The following FAM13B variants were observed in gnomAD, a reference collection of about 807,000 sequenced individuals.
The protein encoded by FAM13B is family with sequence similarity 13 member B, also known as protein FAM13B.
In FAM13B, 60 loss-of-function variants were observed where a neutral mutation model predicts 117.3. That is an observed-to-expected ratio of 0.51 (90% CI 0.42 to 0.63). The LOEUF is 0.63. FAM13B is among the 30% of genes least tolerant of loss of function. The probability of loss-of-function intolerance (pLI) is 0.00; values close to 1 mark genes in which losing one functional copy is unlikely to be tolerated. For missense variants in FAM13B, 972 were observed against 1,091.9 expected (o/e 0.89, Z 1.55); for synonymous variants, 332 against 356.1 (o/e 0.93, Z 0.76).
intron 13 of FAM13B, among the ~76,000 whole-genome samples, chr5:137,957,845 C>T (rs961289242): frequency 6.6e-6 from 1 of 152,114 alleles, no homozygotes; most frequent in Non-Finnish European, 1.5e-5. Context: ...TTATCTATAC[C>T]AAGGTATAGG....
In FAM13B at chr5:137,966,779, A is replaced by T. The variant is rs185673169; in HGVS notation, c.1180-4310T>A. 1.9e-3 allele frequency among the ~76,000 whole-genome samples: 284 copies of T among 152,300 alleles called. 1 individual carries two copies. The highest frequency in any genetic ancestry group is 2.5e-3 in the Non-Finnish European group (171 of 68,032). The stretch of plus-strand genomic sequence containing the variant: ...TGGCACTGTCACTCATTGCTGGTGA[A>T]TGAATGAGAAACACACTCAACTGAT... On this transcript the variant is annotated intron_variant, in intron 10 of 23. Transcript: ENST00000689681.
chr5:137,945,687 A>G (rs1763220938), intron 20 of FAM13B, among the ~76,000 whole-genome samples: 3 of 152,230 alleles, frequency 2.0e-5, no homozygotes, highest in Non-Finnish European at 2.9e-5. Flanking sequence ...TCAGGATTTA[A>G]TGACATAAGC....
chr5:138,033,234 T>C (rs918078484), upstream of FAM13B: 5 of 205,546 alleles, frequency 2.4e-5, no homozygotes, highest in South Asian at 1.7e-4. Context: ...CTCCCACCAA[T>C]TGGGGTCCTG....
At chr5:137,981,616 T>C (rs2150527154) in intron 10 of FAM13B, among the ~76,000 whole-genome samples, 1 of 152,034 alleles carries the variant, frequency 6.6e-6, no homozygotes, top group Admixed American at 6.5e-5. Context: ...TGAAACCCCG[T>C]CTCTACTAAA....
chr5:138,019,924 C>T, intron 2 of FAM13B: 1 of 461,452 alleles, frequency 2.2e-6, no homozygotes. Context: ...TCGTGATCTG[C>T]CCGTCTCGGC....
At chr5:137,963,018 C>G (rs1368171076) in intron 10 of FAM13B, among the ~76,000 whole-genome samples, 1 of 152,118 alleles carries the variant, frequency 6.6e-6, no homozygotes, top group African/African-American at 2.4e-5. Context: ...TACAAATACC[C>G]AGAGAATTAC....
At chr5:137,985,522 C>T in intron 9 of FAM13B, 133 bp from the exon 10 acceptor site, 1 of 856,056 alleles carries the variant, frequency 1.2e-6, no homozygotes. Context: ...TCACAAAAAT[C>T]CACACTTTTA....
rs1426432226 is a variant in FAM13B at position 137,953,482 on chromosome 5, G to A, written c.1719-17C>T. ...CTTCGAATTCTGAATTAAAACAAAA[G>A]GCCAACACTGTTAAATTTTCAAGTA... is the stretch of plus-strand genomic sequence containing the variant. On this transcript the variant is annotated splice_polypyrimidine_tract_variant and intron_variant, in intron 15 of 23. Coordinates refer to ENST00000689681, the MANE Select transcript of FAM13B (RefSeq NM_001385994.1). 1.9e-6 allele frequency: 3 copies of A among 1,611,614 alleles called. No individual in the cohort carries two copies. The highest frequency in any genetic ancestry group is 2.5e-6 in the Non-Finnish European group (3 of 1,179,372).
At chr5:137,949,238 G>A (rs1002069259) in intron 17 of FAM13B, 54 bp from the exon 18 acceptor site, 1 of 1,398,572 alleles carries the variant, frequency 7.2e-7, no homozygotes, top group Non-Finnish European at 1.0e-6. Flanking sequence ...GCTTTGACCG[G>A]GTCAAAGAAT....
intron 4 of FAM13B, among the ~76,000 whole-genome samples, chr5:138,017,832 A>G (rs1785643329): frequency 6.6e-6 from 1 of 152,176 alleles, no homozygotes; most frequent in African/African-American, 2.4e-5. Flanking sequence ...CTAAGTGTTC[A>G]AGAACAAGTT....
At chr5:138,019,946 TG>T in intron 2 of FAM13B, 1 of 814,950 alleles carries the variant, frequency 1.2e-6, no homozygotes, top group Non-Finnish European at 1.5e-6. Context: ...CCCAAAGTGC[TG>T]GGATTACAGG....
At chr5:137,983,213 A>AAAAAAAAAAAAAAAAAAAAAAAAAAAC (rs1561492748) in intron 10 of FAM13B, among the ~76,000 whole-genome samples, 5 of 93,722 alleles carry the variant, frequency 5.3e-5, no homozygotes, top group Non-Finnish European at 1.1e-4. Flanking sequence ...AAAAAAAAAA[A>AAAAAAAAAAAAAAAAAAAAAAAAAAAC]AACCGAGTGA....
chr5:138,005,527 A>T lies in FAM13B; in HGVS notation c.848+1463T>A, dbSNP rs1288861217. ...GCTGAAACAACTCAAAATATCAAGA[A>T]AAAAGAATGTTAGAATACAGTTAAA... is the stretch of plus-strand genomic sequence containing the variant. On this transcript the variant is annotated intron_variant, in intron 7 of 23. Coordinates refer to ENST00000689681, the MANE Select transcript of FAM13B (RefSeq NM_001385994.1). Among the ~76,000 whole-genome samples the T allele has an allele frequency of 3.3e-5, 5 of 152,160 alleles. No homozygotes were observed. In the East Asian group the frequency reaches 9.6e-4, roughly 29 times the overall value.
intron 1 of FAM13B, among the ~76,000 whole-genome samples, chr5:138,030,291 G>A (rs1201329032): frequency 6.6e-6 from 1 of 152,148 alleles, no homozygotes; most frequent in Non-Finnish European, 1.5e-5. Flanking sequence ...CTGTCCCCCA[G>A]GCTGGAATGC....
intron 10 of FAM13B, among the ~76,000 whole-genome samples, chr5:137,965,278 G>T (rs774956363): frequency 2.6e-5 from 4 of 152,198 alleles, no homozygotes; most frequent in Non-Finnish European, 4.4e-5. Flanking sequence ...GGTCTGCAAA[G>T]GAAAGCTAAG....
upstream of FAM13B, among the ~76,000 whole-genome samples, chr5:138,033,542 C>G (rs534470737): frequency 6.6e-6 from 1 of 152,270 alleles, no homozygotes; most frequent in Non-Finnish European, 1.5e-5. Flanking sequence ...GCGTCCTGCC[C>G]GCCCCCACCC....
intron 7 of FAM13B, among the ~76,000 whole-genome samples, chr5:138,004,275 A>C (rs1158111093): frequency 6.6e-6 from 1 of 152,230 alleles, no homozygotes; most frequent in South Asian, 2.1e-4. Flanking sequence ...TCTCAAAAAA[A>C]AAAACAAAAC....
At chr5:137,948,888 T>A in intron 18 of FAM13B, 67 bp downstream of exon 18, 4 of 1,211,596 alleles carry the variant, frequency 3.3e-6, no homozygotes, top group Non-Finnish European at 4.8e-6. Flanking sequence ...TCTACCCTGC[T>A]ATAGTAATTA....
chr5:137,994,607 G>A (rs2150692796), intron 7 of FAM13B, among the ~76,000 whole-genome samples: 1 of 152,246 alleles, frequency 6.6e-6, no homozygotes, highest in South Asian at 2.1e-4. Flanking sequence ...AAGTTACATA[G>A]GTACTATAGG....
Sources: gnomAD v4.1 joint callset for allele counts (sites outside exome capture counted in the v4.1 genomes callset) on GRCh38, gnomAD v4.1.1 for gene constraint, MANE v1.5 for transcripts, NCBI Gene and HGNC (gene_info 2026-07-23, HGNC 2026-07-21) for gene names.